The following PCDHGB4 variants were observed in gnomAD, a reference collection of about 807,000 sequenced individuals.
PCDHGB4 encodes the protein protocadherin gamma subfamily B, 4, also known as protocadherin gamma-B4.
A neutral mutation model predicts 60.5 loss-of-function variants in PCDHGB4; 38 were observed. That is an observed-to-expected ratio of 0.63 (90% CI 0.48 to 0.82). PCDHGB4 has a LOEUF of 0.82. Among genes scored for constraint, PCDHGB4 ranks in the 40% least tolerant of loss-of-function variants. The pLI, the probability that PCDHGB4 is intolerant of heterozygous loss-of-function variation, is 0.00. For synonymous variants in PCDHGB4, 456 were observed against 509.7 expected, an observed-to-expected ratio of 0.89 and a Z score of 1.42; for missense variants, 1,109 against 1,209.6, an observed-to-expected ratio of 0.92 and a Z score of 1.23.
Position 141,485,795 on chromosome 5 carries a change from T to G in PCDHGB4, c.2398-9012T>G, listed in dbSNP as rs1225630684. On this transcript the variant is annotated intron_variant, in intron 1 of 3. Coordinates refer to ENST00000519479, the MANE Select transcript of PCDHGB4 (RefSeq NM_003736.4). The surrounding 1 kb of genome is among the most constrained non-coding windows in gnomAD (Gnocchi z 5.7). ...TTTGGATCGAGAGAAGCAATCGGAC[T>G]ACCGCCTGGTGCTGACTGCTGTCGA... 16 of 1,614,092 alleles carry G rather than the reference T, an allele frequency of 9.9e-6. No individual in the cohort carries two copies. The highest frequency in any genetic ancestry group is 1.1e-5 in the Non-Finnish European group (13 of 1,180,046).
chr5:141,486,278 G>A lies in PCDHGB4; in HGVS notation c.2398-8529G>A. The A allele has an allele frequency of 1.2e-6, 2 of 1,614,088 alleles. No individual in the cohort carries two copies. Among genetic ancestry groups the A allele is most frequent in the South Asian group, 2.2e-5 (2 of 91,068 alleles). On this transcript the variant is annotated intron_variant, in intron 1 of 3. Transcript: ENST00000519479. This position sits in a 1 kb window ranked among gnomAD's most constrained non-coding sequence, Gnocchi z 5.0. The stretch of plus-strand genomic sequence containing the variant: ...CGAGAGTGCAGAACCTGGCACTGTG[G>A]TGGCACTTATCAGTGTGCAGGATCC...
chr5:141,500,430 C>T (rs2099800127), intron 2 of PCDHGB4, among the ~76,000 whole-genome samples: 1 of 151,676 alleles, frequency 6.6e-6, no homozygotes, highest in African/African-American at 2.4e-5. Context: ...AGGATGGTCT[C>T]GATCTCCTGA....
chr5:141,433,595 G>C (rs2097629585), intron 1 of PCDHGB4, among the ~76,000 whole-genome samples: 1 of 152,070 alleles, frequency 6.6e-6, no homozygotes, highest in South Asian at 2.1e-4. Context: ...CAGTACTTTG[G>C]GAGGCCGAGG....
At chr5:141,484,889 TC>T (rs1312115219) in intron 1 of PCDHGB4, 2 of 362,958 alleles carry the variant, frequency 5.5e-6, no homozygotes, top group Admixed American at 8.9e-5. Flanking sequence ...GTGGGCTTTT[TC>T]CCCTCCAATG....
rs372031191 is a variant in PCDHGB4, at chr5:141,395,092, C to T, written c.2397+4811C>T. 3.2e-5 allele frequency: 52 copies of T among 1,614,088 alleles called. No homozygotes were observed. The highest frequency in any genetic ancestry group is 4.2e-5 in the Non-Finnish European group (50 of 1,180,040). On this transcript the variant is annotated intron_variant, in intron 1 of 3. Transcript: ENST00000519479. ...ACCTATTCCCAGGAAGTCTCCCTCA[C>T]CGCCGACTCGCGGAAGAGTCACCTG...
chr5:141,421,125 C>G, intron 1 of PCDHGB4: 1 of 804,210 alleles, frequency 1.2e-6, no homozygotes, highest in Admixed American at 3.0e-5. Flanking sequence ...CCTTCGCTTT[C>G]TGATATATTT....
intron 1 of PCDHGB4, among the ~76,000 whole-genome samples, chr5:141,435,790 A>G (rs1336963117): frequency 2.0e-5 from 3 of 152,168 alleles, no homozygotes; most frequent in African/African-American, 7.2e-5. Flanking sequence ...GCAGGGAAAC[A>G]TAACGTCCCA....
rs1214425261 is a variant in PCDHGB4 at position 141,485,865 on chromosome 5, C to G, written c.2398-8942C>G. On this transcript the variant is annotated intron_variant, in intron 1 of 3. Coordinates refer to ENST00000519479, the MANE Select transcript of PCDHGB4 (RefSeq NM_003736.4). This position sits in a 1 kb window ranked among gnomAD's most constrained non-coding sequence, Gnocchi z 5.7. The stretch of plus-strand genomic sequence containing the variant: ...TCTGGCACCGCAGAGCTCCGGGTAT[C>G]CGTGCTGGACGTAAACGACAACGCC... The G allele has an allele frequency of 1.2e-6, 2 of 1,614,182 alleles. No individual in the cohort carries two copies.
chr5:141,499,689 CTTTTTTTTT>C (rs545067566), intron 2 of PCDHGB4, among the ~76,000 whole-genome samples: 2 of 119,856 alleles, frequency 1.7e-5, no homozygotes, highest in African/African-American at 6.2e-5. Flanking sequence ...TAACAGATGA[CTTTTTTTTT>C]TTTTTTTTTT....
intron 1 of PCDHGB4, chr5:141,395,544 G>A (rs1352260391): frequency 8.7e-5 from 1 of 11,524 alleles, no homozygotes. Flanking sequence ...GCTATTGTTT[G>A]TGTGTGTGTG....
At chr5:141,453,206 T>G (rs914064627) in intron 1 of PCDHGB4, among the ~76,000 whole-genome samples, 8 of 152,102 alleles carry the variant, frequency 5.3e-5, no homozygotes, top group African/African-American at 1.9e-4. Context: ...CTCAACCTCG[T>G]GCACTTAAGC....
chr5:141,458,054 T>G (rs2098935656), intron 1 of PCDHGB4, among the ~76,000 whole-genome samples: 1 of 152,252 alleles, frequency 6.6e-6, no homozygotes, highest in Admixed American at 6.5e-5. Context: ...GGATTCTTGC[T>G]GCACTGATGC....
rs1057107770 is a variant in PCDHGB4 at position 141,387,795 on chromosome 5, T to C, written c.-90T>C. 28 of 1,499,168 alleles carry C rather than the reference T, an allele frequency of 1.9e-5. No homozygotes were observed. In the African/African-American group the frequency reaches 2.5e-4, roughly 13 times the overall value. The allele number at this position is 1,499,168 out of a possible 1,614,324, so 92.9% of individuals were successfully genotyped here. A position where few individuals can be genotyped will look rare whatever the true frequency, so the allele number is the denominator to read the frequency against. On this transcript the variant is annotated 5_prime_UTR_variant, in exon 1 of 4. Transcript: ENST00000519479. ...TCTTGAACTGGAACTGCAACTAAAG[T>C]CCGTTCGGAGATCCAAAAATCTGCA... is the stretch of plus-strand genomic sequence containing the variant.
rs1187072972 is a variant in PCDHGB4 at position 141,487,553 on chromosome 5, C to T, written c.2398-7254C>T. 4 of 1,614,050 alleles carry T rather than the reference C, an allele frequency of 2.5e-6. No individual in the cohort carries two copies. The African/African-American group carries it at 4.0e-5, about 16-fold the overall frequency. On this transcript the variant is annotated intron_variant, in intron 1 of 3. Coordinates refer to ENST00000519479, the MANE Select transcript of PCDHGB4 (RefSeq NM_003736.4). The surrounding 1 kb of genome is among the most constrained non-coding windows in gnomAD (Gnocchi z 5.0). ...CATGATGGTGAAGTCACCCAGTGCA[C>T]CTATGGCAGGGGAGCCTGTTCGCCC...
At chr5:141,506,444 C>CAAA (rs1219684339) in intron 3 of PCDHGB4, among the ~76,000 whole-genome samples, 2 of 95,018 alleles carry the variant, frequency 2.1e-5, no homozygotes, top group African/African-American at 7.9e-5. Context: ...CGCTCTGTCT[C>CAAA]AAAAAAAAAA....
At chr5:141,468,409 A>G (rs183146641) in intron 1 of PCDHGB4, 1 of 152,230 alleles carries the variant, frequency 6.6e-6, no homozygotes, top group East Asian at 1.9e-4. Flanking sequence ...AACTAATAAT[A>G]AGTTAGATAG....
chr5:141,465,448 A>G (rs2099103302), intron 1 of PCDHGB4, among the ~76,000 whole-genome samples: 2 of 152,192 alleles, frequency 1.3e-5, no homozygotes, highest in Admixed American at 1.3e-4. Flanking sequence ...TTACCCAAGA[A>G]AACTCTCACC....
chr5:141,405,108 G>A, intron 1 of PCDHGB4: 1 of 1,613,960 alleles, frequency 6.2e-7, no homozygotes, highest in Non-Finnish European at 8.5e-7. Flanking sequence ...CTGAGGCACT[G>A]GCACTCCTCG....
chr5:141,485,214 G>T lies in PCDHGB4; in HGVS notation c.2398-9593G>T. 6.2e-7 allele frequency: 1 copy of T among 1,614,164 alleles called. No individual in the cohort carries two copies. The highest frequency in any genetic ancestry group is 8.5e-7 in the Non-Finnish European group (1 of 1,179,996). On this transcript the variant is annotated intron_variant, in intron 1 of 3. Transcript: ENST00000519479. This position sits in a 1 kb window ranked among gnomAD's most constrained non-coding sequence, Gnocchi z 5.7. ...AGAAGCTGGACAGAAATCTGGCGGT[G>T]GGCTACCCTTTTGTTCCTCTTTTAC...
Sources: allele counts gnomAD v4.1 joint callset (sites outside exome capture counted in the v4.1 genomes callset), GRCh38; gene constraint gnomAD v4.1.1; non-coding constraint Gnocchi (gnomAD v3.1); transcripts MANE v1.5; gene names NCBI Gene and HGNC (gene_info 2026-07-23, HGNC 2026-07-21).